Variants in RAPGEF4 observed in about 807,000 individuals in gnomAD.
The protein encoded by RAPGEF4 is RAP guanine-nucleotide-exchange factor (GEF) 4.
In RAPGEF4, 66 loss-of-function variants were observed where a neutral mutation model predicts 147.9. The observed-to-expected ratio is 0.45, with a 90% CI of 0.37 to 0.55. RAPGEF4 has a LOEUF of 0.55. RAPGEF4 is among the 20% of genes least tolerant of loss of function. The pLI is 0.00. For missense variants in RAPGEF4, 1,071 were observed against 1,257.3 expected, an observed-to-expected ratio of 0.85 and a Z score of 2.24; for synonymous variants, 419 against 442.7, an observed-to-expected ratio of 0.95 and a Z score of 0.67.
chr2:172,780,965 T>C (rs1391224476), intron 1 of RAPGEF4, among the ~76,000 whole-genome samples: 1 of 152,184 alleles, frequency 6.6e-6, no homozygotes, highest in African/African-American at 2.4e-5. Flanking sequence ...TTCATATTCA[T>C]AACATCTATT....
chr2:172,821,388 C>T (rs1689046117), intron 4 of RAPGEF4, among the ~76,000 whole-genome samples: 1 of 152,180 alleles, frequency 6.6e-6, no homozygotes, highest in Non-Finnish European at 1.5e-5. Flanking sequence ...TGCATTCTCC[C>T]AAGTCAGGAG....
chr2:172,846,929 C>A (rs543447496), intron 4 of RAPGEF4, among the ~76,000 whole-genome samples: 1 of 152,254 alleles, frequency 6.6e-6, no homozygotes, highest in African/African-American at 2.4e-5. Context: ...TTGGAATTGC[C>A]TGTTTGCATG....
At chr2:172,971,755 A>ATTTT (rs10670731) in intron 10 of RAPGEF4, among the ~76,000 whole-genome samples, 8 of 149,202 alleles carry the variant, frequency 5.4e-5, no homozygotes, top group African/African-American at 2.0e-4. Flanking sequence ...CACATACCCC[A>ATTTT]TTTTTTTTTT....
intron 1 of RAPGEF4, among the ~76,000 whole-genome samples, chr2:172,776,518 C>T (rs74912427): frequency 0.029 from 4,358 of 152,044 alleles, 241 homozygotes; most frequent in African/African-American, 0.098. Context: ...TTTTTTTCCC[C>T]TCCATTTTGT....
At chr2:172,939,797 G>C (rs911124941) in intron 6 of RAPGEF4, among the ~76,000 whole-genome samples, 1 of 152,156 alleles carries the variant, frequency 6.6e-6, no homozygotes, top group Non-Finnish European at 1.5e-5. Context: ...ACAGATGTGT[G>C]TATAAGGCAT....
At chr2:172,900,383 G>A (rs1170539585) in intron 4 of RAPGEF4, among the ~76,000 whole-genome samples, 1 of 152,112 alleles carries the variant, frequency 6.6e-6, no homozygotes, top group Non-Finnish European at 1.5e-5. Flanking sequence ...GGGACTACAG[G>A]CATGTGCTAC....
At chr2:172,988,401 T>C in intron 13 of RAPGEF4, 129 bp downstream of exon 13, 9 of 1,424,396 alleles carry the variant, frequency 6.3e-6, no homozygotes, top group Non-Finnish European at 8.3e-6. Flanking sequence ...AAGACATTAT[T>C]GTATCTTTAA....
chr2:173,004,089 T>C (rs1397718490), intron 17 of RAPGEF4, among the ~76,000 whole-genome samples: 1 of 152,210 alleles, frequency 6.6e-6, no homozygotes, highest in Non-Finnish European at 1.5e-5. Flanking sequence ...GAAAGGTAAT[T>C]ACTAGCAGAG....
At chr2:172,738,547 G>A (rs1694017195) in intron 1 of RAPGEF4, among the ~76,000 whole-genome samples, 1 of 152,240 alleles carries the variant, frequency 6.6e-6, no homozygotes, top group South Asian at 2.1e-4. Flanking sequence ...GGGCATGCCA[G>A]GGAGTGGTGT....
At position 172,851,508 on chromosome 2, in the gene RAPGEF4, A is replaced by G. The variant is rs529696313; in HGVS notation, c.444+37083A>G. 7.2e-5 allele frequency among the ~76,000 whole-genome samples: 11 copies of G among 152,310 alleles called. No individual in the cohort carries two copies. The South Asian group carries it at 1.9e-3, about 26-fold the overall frequency. On this transcript the variant is annotated intron_variant, in intron 4 of 30. Transcript: ENST00000397081. ...ACACATGCACATGTATGTTCATCGC[A>G]GCACTATTCACAATAGCAAAGACAT...
chr2:172,874,240 C>G (rs1250685569), intron 4 of RAPGEF4, among the ~76,000 whole-genome samples: 1 of 152,130 alleles, frequency 6.6e-6, no homozygotes, highest in Admixed American at 6.6e-5. Flanking sequence ...TATAAAGACA[C>G]GTGCACGTGT....
chr2:172,905,296 C>A, intron 4 of RAPGEF4, among the ~76,000 whole-genome samples: 1 of 152,156 alleles, frequency 6.6e-6, no homozygotes, highest in Admixed American at 6.5e-5. Context: ...TCCTCACTAG[C>A]CTGCAAGGCC....
At chr2:173,036,964 A>T (rs760410499) in intron 29 of RAPGEF4, among the ~76,000 whole-genome samples, 3 of 152,222 alleles carry the variant, frequency 2.0e-5, no homozygotes, top group Non-Finnish European at 2.9e-5. Flanking sequence ...TGAAATGCAC[A>T]AATGTTCCTG....
intron 22 of RAPGEF4, 53 bp from the exon 23 acceptor site, chr2:173,020,565 C>T: frequency 7.1e-7 from 1 of 1,409,308 alleles, no homozygotes; most frequent in Non-Finnish European, 1.0e-6. Context: ...TAGGGCAGTG[C>T]AGCAAATCTC....
intron 17 of RAPGEF4, among the ~76,000 whole-genome samples, chr2:173,012,856 T>C (rs578133091): frequency 1.3e-5 from 2 of 152,332 alleles, no homozygotes; most frequent in Admixed American, 1.3e-4. Context: ...CTACGTGCCA[T>C]TAAAAAATGG....
At chr2:172,931,879 A>G (rs1296065067) in intron 6 of RAPGEF4, among the ~76,000 whole-genome samples, 1 of 152,200 alleles carries the variant, frequency 6.6e-6, no homozygotes, top group Non-Finnish European at 1.5e-5. Context: ...ATAGATGCGT[A>G]AATGGTTCTG....
chr2:172,967,600 CTG>C (rs1425046370), intron 10 of RAPGEF4, among the ~76,000 whole-genome samples, 156 bp downstream of exon 10: 1 of 152,176 alleles, frequency 6.6e-6, no homozygotes, highest in Non-Finnish European at 1.5e-5. Context: ...GTGCTTGTCT[CTG>C]TTATTTTAAT....
intron 1 of RAPGEF4, among the ~76,000 whole-genome samples, chr2:172,765,745 G>C (rs1696773561): frequency 1.3e-5 from 2 of 152,228 alleles, no homozygotes; most frequent in Non-Finnish European, 2.9e-5. Context: ...AGAACATGGA[G>C]ATACTCATCT....
In RAPGEF4 at chr2:172,783,575, C is replaced by T. The variant is rs78108058; in HGVS notation, c.66-11450C>T. Among the ~76,000 whole-genome samples, 235 of 152,198 alleles carry T rather than the reference C, an allele frequency of 1.5e-3. 4 individuals carry two copies. The East Asian group carries it at 0.022, about 14-fold the overall frequency. On this transcript the variant is annotated intron_variant, in intron 1 of 30. Transcript: ENST00000397081. ...AAAACTGCAATGGTCCCTGGGATCT[C>T]AGGCTCCTTCAAAGGGGTTTTTTTC... is the stretch of plus-strand genomic sequence containing the variant.
Sources: allele counts gnomAD v4.1 joint callset (sites outside exome capture counted in the v4.1 genomes callset), GRCh38; gene constraint gnomAD v4.1.1; transcripts MANE v1.5; gene names NCBI Gene and HGNC (gene_info 2026-07-23, HGNC 2026-07-21).